Variants in FBXL2 observed in about 807,000 individuals in gnomAD.
FBXL2 encodes F-box and leucine rich repeat protein 2, also known as F-box/LRR-repeat protein 2.
FBXL2 carries 38 observed loss-of-function variants against 69.2 expected under a neutral mutation model. The observed-to-expected ratio is 0.55, with a 90% CI of 0.42 to 0.72. The LOEUF is 0.72. FBXL2 is among the 30% of genes least tolerant of loss of function. The pLI is 0.00. For synonymous variants in FBXL2, 192 were observed against 201.3 expected (o/e 0.95, Z 0.39); for missense variants, 354 against 520.3 (o/e 0.68, Z 3.11).
At chr3:33,393,544 A>AC in intron 12 of FBXL2, 1 of 1,293,360 alleles carries the variant, frequency 7.7e-7, no homozygotes, top group Non-Finnish European at 1.0e-6. Flanking sequence ...CGAAGGTCAC[A>AC]CCTTTCAAAG....
intron 1 of FBXL2, among the ~76,000 whole-genome samples, chr3:33,297,080 G>A (rs2035816556): frequency 6.6e-6 from 1 of 152,084 alleles, no homozygotes; most frequent in African/African-American, 2.4e-5. Flanking sequence ...ACAATGTATT[G>A]TATAAGTTTT....
chr3:33,411,271 G>A, the FBXL2 span, among the ~76,000 whole-genome samples: 10 of 151,782 alleles, frequency 6.6e-5, no homozygotes, highest in African/African-American at 2.4e-4. Flanking sequence ...TTTTTCAATC[G>A]TATCCTTTTA....
chr3:33,322,380 C>G (rs2038312685), intron 2 of FBXL2, among the ~76,000 whole-genome samples: 1 of 151,842 alleles, frequency 6.6e-6, no homozygotes, highest in African/African-American at 2.4e-5. Context: ...GCCTGGCCAA[C>G]TAGGTGATGT....
chr3:33,299,914 T>C (rs1458327107), intron 2 of FBXL2, among the ~76,000 whole-genome samples: 2 of 152,158 alleles, frequency 1.3e-5, no homozygotes, highest in Non-Finnish European at 1.5e-5. Flanking sequence ...GCAATACCGC[T>C]GTGTCCCGGT....
intron 12 of FBXL2, chr3:33,396,317 G>A: frequency 6.7e-7 from 1 of 1,491,388 alleles, no homozygotes; most frequent in Non-Finnish European, 9.2e-7. Flanking sequence ...GCCTGGGAGA[G>A]AAAGCTGCCT....
At chr3:33,350,238 A>G (rs2040735205) in intron 2 of FBXL2, among the ~76,000 whole-genome samples, 1 of 152,210 alleles carries the variant, frequency 6.6e-6, no homozygotes, top group Non-Finnish European at 1.5e-5. Context: ...ATATTTTAAC[A>G]TTCAAAAGTC....
intron 2 of FBXL2, among the ~76,000 whole-genome samples, chr3:33,328,713 AATTTAAC>A (rs2038904509): frequency 6.6e-6 from 1 of 152,046 alleles, no homozygotes; most frequent in African/African-American, 2.4e-5. Flanking sequence ...TAAAGACTTA[AATTTAAC>A]ACCTGTAATT....
intron 7 of FBXL2, 46 bp from the exon 8 acceptor site, chr3:33,373,532 T>C (rs1469148649): frequency 1.2e-6 from 2 of 1,613,436 alleles, no homozygotes; most frequent in Non-Finnish European, 1.7e-6. Flanking sequence ...TCATTAACTC[T>C]CTACAGGAGA....
intron 2 of FBXL2, chr3:33,303,232 C>T (rs565008294): frequency 5.3e-5 from 24 of 451,728 alleles, no homozygotes; most frequent in African/African-American, 8.0e-5. Flanking sequence ...CCCTCTTTGC[C>T]GAAGAGTTTT....
At chr3:33,311,710 C>A (rs112941117) in intron 2 of FBXL2, among the ~76,000 whole-genome samples, 1 of 152,054 alleles carries the variant, frequency 6.6e-6, no homozygotes, top group Non-Finnish European at 1.5e-5. Context: ...CTGCAACCTC[C>A]GCCTCCCAGG....
rs1377004016 is a variant in FBXL2 at position 33,377,265 on chromosome 3, C to T, written c.789-8C>T. On this transcript the variant is annotated splice_polypyrimidine_tract_variant and splice_region_variant and intron_variant, in intron 10 of 14. Transcript: ENST00000484457. ...CCGTTTTCTCCCCTGTACCCACTTTCTCCTCAGAATTTTGGAGGCTGCCCG... is the reference window on the plus strand; with the variant it reads ...CCGTTTTCTCCCCTGTACCCACTTTTTCCTCAGAATTTTGGAGGCTGCCCG... 6.2e-7 allele frequency: 1 copy of T among 1,614,054 alleles called. No homozygotes were observed. Among genetic ancestry groups the T allele is most frequent in the Middle Eastern group, 1.6e-4 (1 of 6,062 alleles).
At chr3:33,411,367 T>C in the FBXL2 span, among the ~76,000 whole-genome samples, 1 of 152,204 alleles carries the variant, frequency 6.6e-6, no homozygotes, top group African/African-American at 2.4e-5. Flanking sequence ...AAATAACATT[T>C]GAATAATGCT....
At chr3:33,331,356 C>T (rs1382599598) in intron 2 of FBXL2, among the ~76,000 whole-genome samples, 12 of 151,886 alleles carry the variant, frequency 7.9e-5, no homozygotes, top group Admixed American at 7.2e-4. Context: ...AAGCAGATAC[C>T]AGGCTGTCTG....
Position 33,373,578 on chromosome 3 carries a change from T to C in FBXL2, c.456T>C (p.Ser152=). The C allele has an allele frequency of 1.2e-6, 2 of 1,614,166 alleles. No individual in the cohort carries two copies. Among genetic ancestry groups the C allele is most frequent in the South Asian group, 1.1e-5 (1 of 91,064 alleles). Residue 152 remains serine, a splice_region_variant and synonymous_variant, in exon 8 of 15, where the codon AGT becomes AGC. Coordinates refer to ENST00000484457, the MANE Select transcript of FBXL2 (RefSeq NM_012157.5). Reference sequence around the variant, plus strand: ...AAGTTTTTGTTTCTTGTTCTCTCAGTGAGGGCTGCCGAAACCTGGAGTACC... The same window carrying C: ...AAGTTTTTGTTTCTTGTTCTCTCAGCGAGGGCTGCCGAAACCTGGAGTACC... ...SITNSSLKGI[S]EGCRNLEYLN... is the part of the protein sequence containing the mutation.
rs750118533 is a variant in FBXL2 at position 33,377,224 on chromosome 3, T to C, written c.789-49T>C. On this transcript the variant is annotated intron_variant, in intron 10 of 14. Transcript: ENST00000484457. ...TGCATCATAAAATATGTGTTTCCAT[T>C]ATTAACTAGTTGGTACCGTTTTCTC... 3 of 1,534,918 alleles carry C rather than the reference T, an allele frequency of 2.0e-6. No individual in the cohort carries two copies. In the South Asian group the frequency reaches 3.4e-5, roughly 17 times the overall value.
intron 1 of FBXL2, among the ~76,000 whole-genome samples, chr3:33,293,071 G>A (rs2035401523): frequency 6.6e-6 from 1 of 152,146 alleles, no homozygotes; most frequent in African/African-American, 2.4e-5. Flanking sequence ...GACCAGGCTG[G>A]TCTTGGACTC....
At chr3:33,325,978 T>C (rs1472796305) in intron 2 of FBXL2, among the ~76,000 whole-genome samples, 3 of 152,204 alleles carry the variant, frequency 2.0e-5, no homozygotes, top group Non-Finnish European at 4.4e-5. Flanking sequence ...TGCATACATA[T>C]CAGGCTAATT....
the FBXL2 span, among the ~76,000 whole-genome samples, chr3:33,414,715 G>C: frequency 1.8e-4 from 28 of 152,258 alleles, no homozygotes; most frequent in African/African-American, 6.3e-4. Context: ...CTTAATCCCA[G>C]ACAAGCTTAC....
intron 12 of FBXL2, among the ~76,000 whole-genome samples, chr3:33,394,663 G>A (rs951316683): frequency 6.6e-6 from 1 of 152,004 alleles, no homozygotes; most frequent in Non-Finnish European, 1.5e-5. Context: ...TGAGAACTTT[G>A]CTTCCCCAAA....
Sources: allele counts gnomAD v4.1 joint callset (sites outside exome capture counted in the v4.1 genomes callset), GRCh38; gene constraint gnomAD v4.1.1; transcripts MANE v1.5; gene names NCBI Gene and HGNC (gene_info 2026-07-23, HGNC 2026-07-21).